The following HSPA12A variants were observed in gnomAD, a reference collection of about 807,000 sequenced individuals.
The protein encoded by HSPA12A is heat shock protein family A (Hsp70) member 12A.
A neutral mutation model predicts 69.2 loss-of-function variants in HSPA12A; 28 were observed. The observed-to-expected ratio is 0.40, with a 90% CI of 0.30 to 0.55. The LOEUF (loss-of-function observed/expected upper bound fraction) is 0.55, where lower values mean the gene tolerates loss of function less well. Ranked by LOEUF, HSPA12A falls within the 20% of genes least tolerant of loss-of-function variation. HSPA12A has a pLI of 0.38. For synonymous variants in HSPA12A, 345 were observed against 370.5 expected (o/e 0.93, Z 0.79); for missense variants, 686 against 900.7 (o/e 0.76, Z 3.05).
At chr10:116,691,937 G>A (rs1222802453) in intron 6 of HSPA12A, among the ~76,000 whole-genome samples, 2 of 152,222 alleles carry the variant, frequency 1.3e-5, no homozygotes, top group Non-Finnish European at 1.5e-5. Flanking sequence ...TGCCTGGTTC[G>A]TGGCCAATGG....
chr10:116,766,362 C>A (rs1222821536), intron 2 of HSPA12A, among the ~76,000 whole-genome samples: 1 of 152,078 alleles, frequency 6.6e-6, no homozygotes, highest in Non-Finnish European at 1.5e-5. Context: ...GTCGCCCTAC[C>A]TGGGAGCAAA....
intron 2 of HSPA12A, among the ~76,000 whole-genome samples, chr10:116,802,577 CT>C (rs1844980025): frequency 6.6e-6 from 1 of 152,118 alleles, no homozygotes; most frequent in African/African-American, 2.4e-5. Context: ...GAATGTGTTA[CT>C]TTTATAATTA....
At chr10:116,716,216 C>T (rs1157032829) in intron 1 of HSPA12A, among the ~76,000 whole-genome samples, 3 of 151,988 alleles carry the variant, frequency 2.0e-5, no homozygotes, top group Non-Finnish European at 4.4e-5. Flanking sequence ...GTAGGGTATG[C>T]CCCTGCAGAG....
chr10:116,786,436 A>G (rs1844578941), intron 2 of HSPA12A, among the ~76,000 whole-genome samples: 1 of 129,210 alleles, frequency 7.7e-6, no homozygotes, highest in Non-Finnish European at 1.8e-5. Flanking sequence ...CATTTTCCTG[A>G]AAAAAAAAGA....
rs74486494 is a variant in HSPA12A, at chr10:116,720,055, G to A, written c.41-12770C>T. Among the ~76,000 whole-genome samples, 2,732 of 152,304 alleles carry A rather than the reference G, an allele frequency of 0.018. 193 individuals carry two copies. In the East Asian group the frequency reaches 0.25, roughly 14 times the overall value. On this transcript the variant is annotated intron_variant, in intron 1 of 11. Coordinates refer to ENST00000369209, the MANE Select transcript of HSPA12A (RefSeq NM_025015.3). ...TAAAAATGTTTGGGAATTTAATAGT[G>A]GTGACGGTTGCACAATCTTGTGAAT...
intron 2 of HSPA12A, chr10:116,750,042 A>C (rs555122996): frequency 7.0e-6 from 2 of 284,172 alleles, no homozygotes; most frequent in African/African-American, 4.3e-5. Flanking sequence ...AACATGCCCA[A>C]ATACAGGATG....
chr10:116,726,935 C>G (rs1850984530), intron 1 of HSPA12A, among the ~76,000 whole-genome samples: 1 of 152,206 alleles, frequency 6.6e-6, no homozygotes, highest in South Asian at 2.1e-4. Flanking sequence ...ACACCTCCCT[C>G]AGATCTCCAT....
At chr10:116,733,012 T>G (rs2133051789) in intron 1 of HSPA12A, among the ~76,000 whole-genome samples, 1 of 152,294 alleles carries the variant, frequency 6.6e-6, no homozygotes, top group Non-Finnish European at 1.5e-5. Flanking sequence ...CCCATCTAGC[T>G]GTGGATGTAT....
intron 1 of HSPA12A, among the ~76,000 whole-genome samples, chr10:116,838,473 C>T (rs949310228): frequency 5.9e-5 from 9 of 152,186 alleles, no homozygotes; most frequent in African/African-American, 2.2e-4. Context: ...GCCAAACACA[C>T]ACATCATCAG....
chr10:116,821,660 G>T (rs1485270284), intron 2 of HSPA12A, among the ~76,000 whole-genome samples: 1 of 152,178 alleles, frequency 6.6e-6, no homozygotes, highest in African/African-American at 2.4e-5. Context: ...GCATATGATA[G>T]ATGTGAAATC....
At chr10:116,704,349 C>T (rs568371346) in intron 3 of HSPA12A, among the ~76,000 whole-genome samples, 166 of 152,254 alleles carry the variant, frequency 1.1e-3, no homozygotes, top group African/African-American at 3.8e-3. Context: ...TCTCAGCAAA[C>T]TATCGCAAGG....
chr10:116,708,994 A>G (rs1554882785), intron 1 of HSPA12A, among the ~76,000 whole-genome samples: 4 of 152,202 alleles, frequency 2.6e-5, no homozygotes. Context: ...GTTCCTCAAA[A>G]AGTCAAGTAC....
At chr10:116,742,170 G>A (rs1454914483) in intron 1 of HSPA12A, among the ~76,000 whole-genome samples, 5 of 151,954 alleles carry the variant, frequency 3.3e-5, no homozygotes, top group African/African-American at 1.2e-4. Flanking sequence ...AGGCGCCTCA[G>A]CGGGGGCTGC....
intron 2 of HSPA12A, among the ~76,000 whole-genome samples, chr10:116,769,945 G>C (rs981857865): frequency 6.6e-6 from 1 of 152,144 alleles, no homozygotes; most frequent in Non-Finnish European, 1.5e-5. Context: ...GGGTATGCTC[G>C]CTTGAGAGTC....
chr10:116,800,511 C>G (rs1589714444), intron 2 of HSPA12A, among the ~76,000 whole-genome samples: 1 of 152,198 alleles, frequency 6.6e-6, no homozygotes, highest in South Asian at 2.1e-4. Flanking sequence ...GGGAACTGAG[C>G]CTTTGTGGGG....
intron 2 of HSPA12A, among the ~76,000 whole-genome samples, chr10:116,776,235 G>T (rs1844334794): frequency 6.6e-6 from 1 of 152,222 alleles, no homozygotes; most frequent in Non-Finnish European, 1.5e-5. Context: ...ACAACAAGGA[G>T]CATCTCAGGT....
intron 7 of HSPA12A, 29 bp from the exon 8 acceptor site, chr10:116,681,906 C>T (rs782731608): frequency 6.2e-6 from 10 of 1,601,042 alleles, no homozygotes; most frequent in African/African-American, 2.7e-5. Flanking sequence ...AAAATGATGA[C>T]GGGTAAGAAA....
chr10:116,802,625 T>C (rs1844980990), intron 2 of HSPA12A, among the ~76,000 whole-genome samples: 1 of 152,174 alleles, frequency 6.6e-6, no homozygotes, highest in South Asian at 2.1e-4. Flanking sequence ...AATGGAGGCA[T>C]GGTGGGAGAC....
intron 1 of HSPA12A, among the ~76,000 whole-genome samples, chr10:116,730,170 G>A (rs903028425): frequency 9.2e-5 from 14 of 152,176 alleles, no homozygotes; most frequent in African/African-American, 3.1e-4. Flanking sequence ...GTGACAAAGC[G>A]AGACTCCATC....
Sources: gnomAD v4.1 joint callset for allele counts (sites outside exome capture counted in the v4.1 genomes callset) on GRCh38, gnomAD v4.1.1 for gene constraint, MANE v1.5 for transcripts, NCBI Gene and HGNC (gene_info 2026-07-23, HGNC 2026-07-21) for gene names.